The following PLCL1 variants were observed in gnomAD, a reference collection of about 807,000 sequenced individuals.
PLCL1 encodes phospholipase C like 1 (inactive), also known as inactive phospholipase C-like protein 1.
A neutral mutation model predicts 84.4 loss-of-function variants in PLCL1; 41 were observed. That is an observed-to-expected ratio of 0.49 (90% CI 0.38 to 0.63). PLCL1 has a LOEUF of 0.63. Ranked by LOEUF, PLCL1 falls within the 30% of genes least tolerant of loss-of-function variation. The probability of loss-of-function intolerance (pLI) is 0.00; values close to 1 mark genes in which losing one functional copy is unlikely to be tolerated. For missense variants in PLCL1, 1,206 were observed against 1,367.8 expected (o/e 0.88, Z 1.87); for synonymous variants, 490 against 488.3 (o/e 1.00, Z -0.05).
chr2:197,902,783 C>T (rs764305877), intron 1 of PLCL1, among the ~76,000 whole-genome samples: 2 of 152,164 alleles, frequency 1.3e-5, no homozygotes, highest in Non-Finnish European at 2.9e-5. Context: ...TTCTCTGATT[C>T]TAAGTGAGCT....
At chr2:197,916,489 A>T (rs1688602620) in intron 1 of PLCL1, among the ~76,000 whole-genome samples, 1 of 152,110 alleles carries the variant, frequency 6.6e-6, no homozygotes, top group Admixed American at 6.6e-5. Flanking sequence ...GGTTGTTGTG[A>T]GGAGGAAAGG....
chr2:197,820,136 A>AT (rs1006775835), intron 1 of PLCL1, among the ~76,000 whole-genome samples: 1 of 152,078 alleles, frequency 6.6e-6, no homozygotes, highest in Non-Finnish European at 1.5e-5. Flanking sequence ...ATGTTATTTC[A>AT]TTTAAGTTGG....
At chr2:198,100,403 A>C (rs577135343) in intron 3 of PLCL1, among the ~76,000 whole-genome samples, 1 of 152,208 alleles carries the variant, frequency 6.6e-6, no homozygotes, top group East Asian at 1.9e-4. Context: ...GGAAACTAAT[A>C]GAGGAGAGGG....
chr2:197,818,506 G>A (rs1690738398), intron 1 of PLCL1, among the ~76,000 whole-genome samples: 3 of 152,052 alleles, frequency 2.0e-5, no homozygotes, highest in Admixed American at 2.0e-4. Context: ...CCCTTTCTGA[G>A]GTTGAGAAAG....
rs572557024 is a variant in PLCL1, at chr2:198,027,465, A to G, written c.241-56293A>G. ...ACTATAGTTAATAAAAACGTATTGTATACTTGAAAATCTCCAATAGAATAG... is the reference window on the plus strand; with the variant it reads ...ACTATAGTTAATAAAAACGTATTGTGTACTTGAAAATCTCCAATAGAATAG... On this transcript the variant is annotated intron_variant, in intron 1 of 5. Transcript: ENST00000428675. 1.1e-3 allele frequency among the ~76,000 whole-genome samples: 173 copies of G among 152,346 alleles called. 1 individual carries two copies. The Middle Eastern group carries it at 0.017, about 15-fold the overall frequency.
chr2:197,922,853 G>A (rs1574950230), intron 1 of PLCL1, among the ~76,000 whole-genome samples: 3 of 129,440 alleles, frequency 2.3e-5, no homozygotes, highest in Non-Finnish European at 3.4e-5. Flanking sequence ...AGGGGCGGCC[G>A]GGCAGAGGCG....
intron 1 of PLCL1, among the ~76,000 whole-genome samples, chr2:197,867,800 C>T (rs1053502315): frequency 5.9e-5 from 9 of 152,102 alleles, no homozygotes; most frequent in East Asian, 1.9e-4. Flanking sequence ...CCCAACCAGA[C>T]GTCCTTATCA....
intron 5 of PLCL1, among the ~76,000 whole-genome samples, chr2:198,117,265 G>A (rs1453134815): frequency 6.6e-5 from 10 of 150,724 alleles, no homozygotes; most frequent in Non-Finnish European, 4.4e-5. Context: ...TATGACTTGG[G>A]TTTCAGCAAC....
At chr2:197,914,072 A>G (rs1444357815) in intron 1 of PLCL1, among the ~76,000 whole-genome samples, 1 of 152,178 alleles carries the variant, frequency 6.6e-6, no homozygotes, top group Non-Finnish European at 1.5e-5. Flanking sequence ...GAGTTGAAGC[A>G]TTTGTAGTAA....
At position 197,873,993 on chromosome 2, in the gene PLCL1, T is replaced by C. The variant is rs111677296; in HGVS notation, c.240+68654T>C. Among the ~76,000 whole-genome samples the C allele has an allele frequency of 8.5e-5, 13 of 152,324 alleles. 3 individuals carry two copies. The highest frequency in any genetic ancestry group is 3.1e-4 in the African/African-American group (13 of 41,582). ...TTTTAGTACTTGTTGATGTTGACTTTAGTAACGCAATATTATCAATAGTAT... is the reference window on the plus strand; with the variant it reads ...TTTTAGTACTTGTTGATGTTGACTTCAGTAACGCAATATTATCAATAGTAT... On this transcript the variant is annotated intron_variant, in intron 1 of 5. Coordinates refer to ENST00000428675, the MANE Select transcript of PLCL1 (RefSeq NM_006226.4).
chr2:197,850,027 CACAG>C (rs1441376212), intron 1 of PLCL1, among the ~76,000 whole-genome samples: 5 of 127,390 alleles, frequency 3.9e-5, no homozygotes, highest in Admixed American at 8.7e-5. Context: ...CACAGACACA[CACAG>C]ACACACACAC....
At chr2:198,039,027 C>A (rs1341658939) in intron 1 of PLCL1, among the ~76,000 whole-genome samples, 2 of 152,072 alleles carry the variant, frequency 1.3e-5, no homozygotes, top group Non-Finnish European at 2.9e-5. Flanking sequence ...AAAGCCCTTA[C>A]ATTAGGGTGG....
chr2:198,063,281 A>T (rs1472095046), intron 1 of PLCL1, among the ~76,000 whole-genome samples: 1 of 152,142 alleles, frequency 6.6e-6, no homozygotes, highest in Non-Finnish European at 1.5e-5. Context: ...TGGAGCACAG[A>T]TGGAAACCGA....
Position 198,131,370 on chromosome 2 carries a change from C to T in PLCL1, c.3106-15410C>T, listed in dbSNP as rs1292609678. 2.0e-5 allele frequency among the ~76,000 whole-genome samples: 3 copies of T among 152,294 alleles called. No individual in the cohort carries two copies. The East Asian group carries it at 5.8e-4, about 29-fold the overall frequency. On this transcript the variant is annotated intron_variant, in intron 5 of 5. Transcript: ENST00000428675. Reference sequence around the variant, plus strand: ...CGTATTCCCACAGAACTCTGCTATTCCACTATCATAGCACTTTAATTGCTT... The same window carrying T: ...CGTATTCCCACAGAACTCTGCTATTTCACTATCATAGCACTTTAATTGCTT...
intron 1 of PLCL1, among the ~76,000 whole-genome samples, chr2:197,966,406 A>T (rs1288577221): frequency 6.6e-6 from 1 of 152,090 alleles, no homozygotes; most frequent in Non-Finnish European, 1.5e-5. Flanking sequence ...CAGGGTGATA[A>T]GCCTTGCCAG....
chr2:197,860,629 T>C (rs987742877), intron 1 of PLCL1, among the ~76,000 whole-genome samples: 3 of 152,184 alleles, frequency 2.0e-5, no homozygotes, highest in Non-Finnish European at 4.4e-5. Context: ...TAATGATCAG[T>C]GATGTTGAGC....
At chr2:198,030,988 A>G (rs1691400838) in intron 1 of PLCL1, among the ~76,000 whole-genome samples, 1 of 152,206 alleles carries the variant, frequency 6.6e-6, no homozygotes, top group African/African-American at 2.4e-5. Context: ...CTTAATTAAA[A>G]TATCAGTTCC....
intron 1 of PLCL1, among the ~76,000 whole-genome samples, chr2:197,977,450 G>A (rs898340230): frequency 6.6e-6 from 1 of 152,122 alleles, no homozygotes; most frequent in Non-Finnish European, 1.5e-5. Context: ...TGGCTTCATT[G>A]CAGTCTCATT....
At chr2:198,124,682 C>CTA (rs1352033657) in intron 5 of PLCL1, among the ~76,000 whole-genome samples, 7 of 152,192 alleles carry the variant, frequency 4.6e-5, no homozygotes, top group Non-Finnish European at 7.4e-5. Flanking sequence ...GGGCCCTGTG[C>CTA]TAACTCCTGG....
Sources: allele counts gnomAD v4.1 joint callset (sites outside exome capture counted in the v4.1 genomes callset), GRCh38; gene constraint gnomAD v4.1.1; transcripts MANE v1.5; gene names NCBI Gene and HGNC (gene_info 2026-07-23, HGNC 2026-07-21).